YIPF4: variants seen among roughly 807,000 people sequenced by gnomAD.
The protein encoded by YIPF4 is Yip1 domain family member 4, also known as protein YIPF4.
Under a neutral mutation model 29.4 loss-of-function variants are expected in YIPF4, and 18 were observed. The observed-to-expected ratio is 0.61, with a 90% CI of 0.42 to 0.91. The LOEUF (loss-of-function observed/expected upper bound fraction) is 0.91, where lower values mean the gene tolerates loss of function less well. YIPF4 is among the 40% of genes least tolerant of loss of function. YIPF4 has a pLI of 0.00. For missense variants in YIPF4, 279 were observed against 282.7 expected (o/e 0.99, Z 0.09); for synonymous variants, 115 against 104.7 (o/e 1.10, Z -0.60).
At chr2:32,295,173 T>C (rs1375982790) in intron 3 of YIPF4, among the ~76,000 whole-genome samples, 1 of 152,238 alleles carries the variant, frequency 6.6e-6, no homozygotes, top group East Asian at 1.9e-4. Context: ...GTTTTTATAT[T>C]ACTACTGGTA....
intron 5 of YIPF4, 113 bp downstream of exon 5, chr2:32,301,608 A>G (rs2031407907): frequency 3.1e-6 from 2 of 651,202 alleles, no homozygotes; most frequent in South Asian, 2.8e-5. Context: ...AGTTGGTAGT[A>G]TTTTGGAAGT....
In YIPF4 at chr2:32,311,541, G is replaced by C. The variant is rs1189269068; in HGVS notation, c.*5915G>C. On this transcript the variant is annotated 3_prime_UTR_variant, in exon 6 of 6. Coordinates refer to ENST00000238831, the MANE Select transcript of YIPF4 (RefSeq NM_032312.4). The stretch of plus-strand genomic sequence containing the variant: ...AGATGTTTGGTTTATAGTAGTCCAT[G>C]CTATACTAATGCTGTTGCTGAGATA... The C allele has an allele frequency of 6.6e-6, 1 of 152,186 alleles. No homozygotes were observed. The highest frequency in any genetic ancestry group is 2.4e-5 in the African/African-American group (1 of 41,452). 9.4% of individuals were successfully genotyped at this position (152,186 alleles called of 1,614,324 possible).
At chr2:32,291,820 G>C (rs1644310918) in intron 2 of YIPF4, among the ~76,000 whole-genome samples, 1 of 152,174 alleles carries the variant, frequency 6.6e-6, no homozygotes, top group African/African-American at 2.4e-5. Context: ...ATATGGGTTT[G>C]CAATCTGAAT....
chr2:32,285,772 C>G (rs576469220), intron 1 of YIPF4, among the ~76,000 whole-genome samples: 12 of 151,942 alleles, frequency 7.9e-5, no homozygotes, highest in African/African-American at 2.9e-4. Context: ...TCTCCTGCCT[C>G]AGCCTCCCAA....
Position 32,290,579 on chromosome 2 carries a change from GT to G in YIPF4, c.178del (p.Tyr60MetfsTer26). 1 of 1,584,320 alleles carries G rather than the reference GT, an allele frequency of 6.3e-7. No individual in the cohort carries two copies. The highest frequency in any genetic ancestry group is 8.6e-7 in the Non-Finnish European group (1 of 1,165,544). On this transcript the variant is annotated frameshift_variant, in exon 2 of 6. Transcript: ENST00000238831. LOFTEE classifies it high-confidence loss of function. The stretch of plus-strand genomic sequence containing the variant: ...GCTACTACATTTCTGAGACAAAGAG[GT>G]TATGGCTGGCTTCTGGAAGTTGAAG... ...STATTFLRQR[G>X]YGWLLEVEDD...
chr2:32,303,146 C>T (rs2031462300), intron 5 of YIPF4, among the ~76,000 whole-genome samples: 1 of 152,152 alleles, frequency 6.6e-6, no homozygotes, highest in Non-Finnish European at 1.5e-5. Flanking sequence ...GAATGGATTA[C>T]TTGAGCTCAG....
Position 32,306,707 on chromosome 2 carries a change from T to C in YIPF4, c.*1081T>C. 1 of 621,892 alleles carries C rather than the reference T, an allele frequency of 1.6e-6. No individual in the cohort carries two copies. The highest frequency in any genetic ancestry group is 2.0e-6 in the Non-Finnish European group (1 of 498,352). The allele number at this position is 621,892 out of a possible 1,614,324, so 38.5% of individuals were successfully genotyped here. ...TCAGTGAAATATTTGTTGCAAATAA[T>C]TTCATAGGTTTTTAGATACACCTGT... On this transcript the variant is annotated 3_prime_UTR_variant, in exon 6 of 6. Transcript: ENST00000238831.
At chr2:32,300,193 G>A (rs537595261) in intron 4 of YIPF4, among the ~76,000 whole-genome samples, 77 of 152,306 alleles carry the variant, frequency 5.1e-4, no homozygotes, top group African/African-American at 1.8e-3. Flanking sequence ...TTGAACCCGG[G>A]AGGCGGAGGT....
At position 32,290,506 on chromosome 2, in the gene YIPF4, C is replaced by A; in HGVS notation, c.103C>A (p.Pro35Thr). 1 of 1,569,004 alleles carries A rather than the reference C, an allele frequency of 6.4e-7. No individual in the cohort carries two copies. The highest frequency in any genetic ancestry group is 8.6e-7 in the Non-Finnish European group (1 of 1,158,526). The change falls in exon 2 of 6, where the codon CCA (proline) becomes ACA (threonine). Residue 35 changes from proline to threonine, a missense_variant. By Grantham distance (38) the Pro-to-Thr change is conservative. Transcript: ENST00000238831. ...AEDLSGSIASPDVKLNLGGDF... is the reference protein window; with the variant it reads ...AEDLSGSIASTDVKLNLGGDF... ...AGATCTCAGTGGTTCAATAGCATCC[C>A]CAGATGTCAAATTAAATCTTGGTGG...
chr2:32,300,817 G>A (rs890460508), intron 4 of YIPF4, among the ~76,000 whole-genome samples: 1 of 152,096 alleles, frequency 6.6e-6, no homozygotes, highest in Admixed American at 6.6e-5. Flanking sequence ...TCTAAGAATC[G>A]ATTTCTTCAC....
chr2:32,288,572 G>C (rs2030779864), intron 1 of YIPF4, among the ~76,000 whole-genome samples: 1 of 152,140 alleles, frequency 6.6e-6, no homozygotes. Context: ...ACTTGGGGAA[G>C]GCCAGGGTGG....
chr2:32,297,225 A>G (rs1447688079), intron 3 of YIPF4, among the ~76,000 whole-genome samples: 1 of 151,974 alleles, frequency 6.6e-6, no homozygotes, highest in Non-Finnish European at 1.5e-5. Context: ...CCCAGGTTCA[A>G]GCGATTCTCC....
intron 1 of YIPF4, among the ~76,000 whole-genome samples, chr2:32,285,976 A>G (rs2030653261): frequency 6.6e-6 from 1 of 152,204 alleles, no homozygotes; most frequent in African/African-American, 2.4e-5. Flanking sequence ...GATATATAGT[A>G]TGTAATGGGT....
At chr2:32,300,999 G>A (rs982215295) in intron 4 of YIPF4, among the ~76,000 whole-genome samples, 1 of 152,114 alleles carries the variant, frequency 6.6e-6, no homozygotes, top group Non-Finnish European at 1.5e-5. Flanking sequence ...TAACATCTAG[G>A]TTCTCTAGAC....
At chr2:32,286,765 C>T (rs752158183) in intron 1 of YIPF4, among the ~76,000 whole-genome samples, 3 of 152,038 alleles carry the variant, frequency 2.0e-5, no homozygotes, top group Non-Finnish European at 2.9e-5. Flanking sequence ...AGGATTGTCT[C>T]GATCTCTTGA....
intron 3 of YIPF4, among the ~76,000 whole-genome samples, chr2:32,293,505 C>T (rs185014664): frequency 2.4e-4 from 36 of 152,352 alleles, no homozygotes; most frequent in African/African-American, 7.7e-4. Context: ...CACACAGACA[C>T]GGCAACCATC....
rs1465954824 is a variant in YIPF4 at position 32,310,832 on chromosome 2, C to T, written c.*5206C>T. 1 of 152,074 alleles carries T rather than the reference C, an allele frequency of 6.6e-6. No homozygotes were observed. Among genetic ancestry groups the T allele is most frequent in the Non-Finnish European group, 1.5e-5 (1 of 68,052 alleles). The allele number at this position is 152,074 out of a possible 1,614,324, so 9.4% of individuals were successfully genotyped here. ...TTGAGGCTGCAGTGAGCCGCGATCACACCACTGCATGCCAGCCTGGGCGAC... is the reference window on the plus strand; with the variant it reads ...TTGAGGCTGCAGTGAGCCGCGATCATACCACTGCATGCCAGCCTGGGCGAC... On this transcript the variant is annotated 3_prime_UTR_variant, in exon 6 of 6. Coordinates refer to ENST00000238831, the MANE Select transcript of YIPF4 (RefSeq NM_032312.4).
intron 1 of YIPF4, among the ~76,000 whole-genome samples, chr2:32,285,321 T>C (rs573404066): frequency 3.3e-5 from 5 of 152,292 alleles, no homozygotes; most frequent in Non-Finnish European, 5.9e-5. Flanking sequence ...TTTTGGAATA[T>C]TGAATTTTAG....
Position 32,307,167 on chromosome 2 carries a change from T to G in YIPF4, c.*1541T>G. The G allele has an allele frequency of 2.3e-6, 3 of 1,290,518 alleles. No individual in the cohort carries two copies. The highest frequency in any genetic ancestry group is 1.0e-6 in the Non-Finnish European group (1 of 983,336). 79.9% of individuals were successfully genotyped at this position (1,290,518 alleles called of 1,614,324 possible). ...AATAATATGAAGTAATCAGGAAATA[T>G]CTATGCCTACAGAAGCAGCAACCGT... On this transcript the variant is annotated 3_prime_UTR_variant, in exon 6 of 6. Coordinates refer to ENST00000238831, the MANE Select transcript of YIPF4 (RefSeq NM_032312.4).
Sources: allele counts gnomAD v4.1 joint callset (sites outside exome capture counted in the v4.1 genomes callset), GRCh38; gene constraint gnomAD v4.1.1; transcripts MANE v1.5; gene names NCBI Gene and HGNC (gene_info 2026-07-23, HGNC 2026-07-21).